Variants in TMOD1 observed in about 807,000 individuals in gnomAD.
TMOD1 encodes tropomodulin-1.
A neutral mutation model predicts 40.6 loss-of-function variants in TMOD1; 17 were observed. That is an observed-to-expected ratio of 0.42 (90% confidence interval 0.29 to 0.63). TMOD1 has a LOEUF of 0.63. TMOD1 is among the 20% of genes least tolerant of loss of function. TMOD1 has a pLI of 0.22. For synonymous variants in TMOD1, 181 were observed against 175.0 expected (o/e 1.03, Z -0.27); for missense variants, 391 against 447.6 (o/e 0.87, Z 1.14).
At chr9:97,599,529 TAAC>T (rs1231359238) in intron 9 of TMOD1, 102 bp from the exon 10 acceptor site, 9 of 1,446,018 alleles carry the variant, frequency 6.2e-6, no homozygotes, top group African/African-American at 5.6e-5. Context: ...CAGACTCTGT[TAAC>T]AAACCAATTA....
At chr9:97,553,547 C>T (rs1830484880) in intron 4 of TMOD1, 147 bp downstream of exon 4, 2 of 1,230,318 alleles carry the variant, frequency 1.6e-6, no homozygotes, top group South Asian at 3.2e-5. Context: ...AACAACAATC[C>T]ATTCTCAAAA....
chr9:97,518,196 A>G (rs1829854050), intron 1 of TMOD1, among the ~76,000 whole-genome samples: 2 of 152,232 alleles, frequency 1.3e-5, no homozygotes, highest in African/African-American at 4.8e-5. Context: ...TAAGGTCCTT[A>G]GGGAAGCCCT....
In TMOD1 at chr9:97,600,942, A is replaced by T. The variant is rs964520084; in HGVS notation, c.*1244A>T. 1 of 1,136,138 alleles carries T rather than the reference A, an allele frequency of 8.8e-7. No homozygotes were observed. Among genetic ancestry groups the T allele is most frequent in the Non-Finnish European group, 1.1e-6 (1 of 903,834 alleles). 70.4% of individuals were successfully genotyped at this position (1,136,138 alleles called of 1,614,324 possible). On this transcript the variant is annotated 3_prime_UTR_variant, in exon 10 of 10. Coordinates refer to ENST00000259365, the MANE Select transcript of TMOD1 (RefSeq NM_003275.4). ...TTTGTTGCTTTTGGGAGTTATTTTCATTAGTGATTTCAGCAAATCTCATGA... is the reference window on the plus strand; with the variant it reads ...TTTGTTGCTTTTGGGAGTTATTTTCTTTAGTGATTTCAGCAAATCTCATGA...
chr9:97,561,946 A>G (rs1432315025), intron 4 of TMOD1, among the ~76,000 whole-genome samples: 5 of 152,080 alleles, frequency 3.3e-5, no homozygotes, highest in South Asian at 2.1e-4. Flanking sequence ...TACCACACTC[A>G]GCATACCCTG....
intron 8 of TMOD1, among the ~76,000 whole-genome samples, chr9:97,577,391 A>G (rs568329637): frequency 6.6e-6 from 1 of 152,316 alleles, no homozygotes; most frequent in African/African-American, 2.4e-5. Context: ...CAGACTCTAG[A>G]GCTCGCTGCC....
chr9:97,586,920 A>G (rs1825889466), intron 8 of TMOD1, among the ~76,000 whole-genome samples: 1 of 152,216 alleles, frequency 6.6e-6, no homozygotes, highest in Admixed American at 6.5e-5. Context: ...CTCCCTAGTA[A>G]GATGAACCTG....
At chr9:97,591,497 G>A in intron 9 of TMOD1, 62 bp downstream of exon 9, 1 of 1,558,896 alleles carries the variant, frequency 6.4e-7, no homozygotes, top group Admixed American at 2.0e-5. Context: ...CCTGTGCTGG[G>A]GATGTCAGGG....
At chr9:97,566,116 C>T (rs572200192) in intron 7 of TMOD1, among the ~76,000 whole-genome samples, 161 bp downstream of exon 7, 2 of 152,092 alleles carry the variant, frequency 1.3e-5, no homozygotes, top group Non-Finnish European at 2.9e-5. Flanking sequence ...GAGGGAACAG[C>T]CATCACCTGG....
intron 2 of TMOD1, among the ~76,000 whole-genome samples, chr9:97,535,272 G>T: frequency 6.6e-6 from 1 of 152,114 alleles, no homozygotes; most frequent in South Asian, 2.1e-4. Context: ...GCTGGTCCCG[G>T]CAAGACTCAC....
intron 6 of TMOD1, 134 bp from the exon 7 acceptor site, chr9:97,565,714 C>T: frequency 1.4e-6 from 1 of 690,588 alleles, no homozygotes; most frequent in Admixed American, 2.3e-5. Flanking sequence ...GGGACAAAGC[C>T]TAAACCTTTT....
intron 4 of TMOD1, among the ~76,000 whole-genome samples, chr9:97,560,037 G>A (rs564753253): frequency 1.3e-5 from 2 of 151,306 alleles, no homozygotes; most frequent in Non-Finnish European, 2.9e-5. Flanking sequence ...TGACATCAGG[G>A]GCATGGTCAG....
At chr9:97,542,800 A>G (rs10982624) in intron 2 of TMOD1, among the ~76,000 whole-genome samples, 65,357 of 149,046 alleles carry the variant, frequency 0.44, 14,701 homozygotes, top group East Asian at 0.61. Flanking sequence ...CAGTGAGCCG[A>G]GATCACGCCA....
chr9:97,540,417 T>A (rs910700839), intron 2 of TMOD1, among the ~76,000 whole-genome samples: 4 of 152,170 alleles, frequency 2.6e-5, no homozygotes, highest in Non-Finnish European at 4.4e-5. Flanking sequence ...ACCAATCCTA[T>A]CAGATCAGGG....
chr9:97,535,588 CATT>C (rs1176160748), intron 2 of TMOD1, among the ~76,000 whole-genome samples: 3 of 152,316 alleles, frequency 2.0e-5, no homozygotes, highest in African/African-American at 7.2e-5. Context: ...ATCGTACCGT[CATT>C]GTCTCAGGAT....
chr9:97,524,422 G>C, intron 2 of TMOD1, 114 bp downstream of exon 2: 1 of 1,314,370 alleles, frequency 7.6e-7, no homozygotes. Flanking sequence ...AATGACATTG[G>C]TATAACTTTG....
intron 1 of TMOD1, among the ~76,000 whole-genome samples, chr9:97,520,704 G>A (rs1360711325): frequency 6.6e-6 from 1 of 152,210 alleles, no homozygotes; most frequent in Non-Finnish European, 1.5e-5. Context: ...GCACCTTGGG[G>A]TGTGTATGTG....
At chr9:97,566,011 T>C in intron 7 of TMOD1, 56 bp downstream of exon 7, 6 of 1,471,334 alleles carry the variant, frequency 4.1e-6, no homozygotes, top group Non-Finnish European at 5.7e-6. Context: ...ACAGAAGGGT[T>C]GAAATATGTG....
At chr9:97,574,295 GCGGGCCCCGCACTCGGAGCGGCCGGC>G in intron 8 of TMOD1, among the ~76,000 whole-genome samples, 1 of 152,116 alleles carries the variant, frequency 6.6e-6, no homozygotes, top group African/African-American at 2.4e-5. Flanking sequence ...CGTGCTCTCG[GCGGGCCCCGCACTCGGAGCGGCCGGC>G]CGACCCCGCC....
At chr9:97,599,039 T>G (rs1826186739) in intron 9 of TMOD1, among the ~76,000 whole-genome samples, 1 of 152,146 alleles carries the variant, frequency 6.6e-6, no homozygotes, top group African/African-American at 2.4e-5. Flanking sequence ...AGCTAACGTC[T>G]CCAGCCTGCA....
Sources: gnomAD v4.1 joint callset for allele counts (sites outside exome capture counted in the v4.1 genomes callset) on GRCh38, gnomAD v4.1.1 for gene constraint, MANE v1.5 for transcripts, NCBI Gene and HGNC (gene_info 2026-07-23, HGNC 2026-07-21) for gene names.